The following VWA8 variants were observed in gnomAD, a reference collection of about 807,000 sequenced individuals.
VWA8 encodes von Willebrand factor A domain containing 8.
In VWA8, 221 loss-of-function variants were observed where a neutral mutation model predicts 241.5. The ratio of observed to expected loss-of-function variants is 0.91; its 90% CI spans 0.82 to 1.02. The LOEUF is 1.02. Ranked by LOEUF, VWA8 falls within the 50% of genes least tolerant of loss-of-function variation. The probability of loss-of-function intolerance (pLI) is 0.00; values close to 1 mark genes in which losing one functional copy is unlikely to be tolerated. For missense variants in VWA8, 2,322 were observed against 2,328.7 expected (o/e 1.00, Z 0.06); for synonymous variants, 852 against 827.1 (o/e 1.03, Z -0.52).
At chr13:41,636,558 A>G (rs1311493260) in intron 37 of VWA8, among the ~76,000 whole-genome samples, 1 of 152,242 alleles carries the variant, frequency 6.6e-6, no homozygotes, top group East Asian at 1.9e-4. Flanking sequence ...AATGGCAACA[A>G]AAGCCAAAAT....
chr13:41,594,735 A>G (rs1226998806), intron 40 of VWA8, among the ~76,000 whole-genome samples: 1 of 152,228 alleles, frequency 6.6e-6, no homozygotes, highest in Admixed American at 6.5e-5. Context: ...ACTTTGGTTA[A>G]AATTCCTAAC....
At chr13:41,703,825 T>C (rs2045266087) in intron 26 of VWA8, among the ~76,000 whole-genome samples, 1 of 151,336 alleles carries the variant, frequency 6.6e-6, no homozygotes, top group Non-Finnish European at 1.5e-5. Context: ...TTGCCCAGAC[T>C]GGAGTGCAGT....
chr13:41,613,615 T>C (rs2044603481), intron 38 of VWA8, among the ~76,000 whole-genome samples: 1 of 152,294 alleles, frequency 6.6e-6, no homozygotes, highest in East Asian at 1.9e-4. Flanking sequence ...AAAGTCACAC[T>C]GGGGTGGAGC....
At chr13:41,611,039 C>G (rs1364083922) in intron 39 of VWA8, among the ~76,000 whole-genome samples, 3 of 152,156 alleles carry the variant, frequency 2.0e-5, no homozygotes, top group African/African-American at 7.2e-5. Flanking sequence ...TATGCTCATC[C>G]TGCCCTGGTG....
intron 40 of VWA8, among the ~76,000 whole-genome samples, chr13:41,591,377 G>A (rs567876677): frequency 1.3e-5 from 2 of 151,984 alleles, no homozygotes; most frequent in South Asian, 2.1e-4. Flanking sequence ...CTAATTTTAC[G>A]GCAGTAAAAT....
intron 7 of VWA8, 83 bp downstream of exon 7, chr13:41,886,698 C>T (rs1874555679): frequency 1.8e-6 from 2 of 1,129,758 alleles, no homozygotes. Flanking sequence ...TGTTGAATGA[C>T]TGAATTAATT....
intron 17 of VWA8, among the ~76,000 whole-genome samples, chr13:41,797,368 C>A (rs1272183609): frequency 2.6e-5 from 4 of 151,966 alleles, no homozygotes; most frequent in Non-Finnish European, 5.9e-5. Context: ...AGTTTATGGT[C>A]AGTTTTTGAT....
chr13:41,924,891 A>T (rs1252385998), intron 2 of VWA8, among the ~76,000 whole-genome samples: 1 of 150,612 alleles, frequency 6.6e-6, no homozygotes, highest in East Asian at 1.9e-4. Context: ...GTATTGGAAG[A>T]TATATGGACA....
At chr13:41,578,827 C>T (rs536204196) in intron 42 of VWA8, among the ~76,000 whole-genome samples, 53 of 152,294 alleles carry the variant, frequency 3.5e-4, no homozygotes, top group African/African-American at 1.2e-3. Flanking sequence ...TAGCATTTAA[C>T]ATAAATATTA....
chr13:41,618,717 T>C (rs1312118156), intron 37 of VWA8, among the ~76,000 whole-genome samples: 1 of 152,178 alleles, frequency 6.6e-6, no homozygotes, highest in African/African-American at 2.4e-5. Context: ...CCCAGCACCA[T>C]TATTAAATAG....
intron 21 of VWA8, among the ~76,000 whole-genome samples, chr13:41,753,515 T>C (rs1213724896): frequency 6.6e-6 from 1 of 152,202 alleles, no homozygotes. Flanking sequence ...ATATATTCTC[T>C]TCTGTTTTAA....
intron 12 of VWA8, among the ~76,000 whole-genome samples, chr13:41,847,263 A>G (rs1872330176): frequency 6.6e-6 from 1 of 152,066 alleles, no homozygotes; most frequent in African/African-American, 2.4e-5. Flanking sequence ...GGACACAAAT[A>G]AGAAAATACC....
intron 12 of VWA8, among the ~76,000 whole-genome samples, chr13:41,855,464 CAT>C (rs1041754248): frequency 7.4e-5 from 11 of 149,174 alleles, no homozygotes; most frequent in African/African-American, 2.0e-4. Flanking sequence ...CTGATATAAA[CAT>C]AAATTAAAAT....
chr13:41,919,662 C>T (rs1876421462), intron 2 of VWA8, among the ~76,000 whole-genome samples: 1 of 152,102 alleles, frequency 6.6e-6, no homozygotes, highest in Admixed American at 6.5e-5. Context: ...GTACCCTGCC[C>T]TTCAAGGCCT....
chr13:41,704,938 C>T (rs931530998), intron 26 of VWA8, among the ~76,000 whole-genome samples: 6 of 152,008 alleles, frequency 3.9e-5, no homozygotes, highest in Admixed American at 6.6e-5. Context: ...TAAAAGAACA[C>T]GTTTATATTT....
intron 37 of VWA8, among the ~76,000 whole-genome samples, chr13:41,624,882 C>T (rs1445560764): frequency 6.6e-6 from 1 of 152,080 alleles, no homozygotes; most frequent in Non-Finnish European, 1.5e-5. Context: ...AAGCAAACAT[C>T]TCTCTTCTCC....
chr13:41,840,756 CAA>C (rs35181218), intron 12 of VWA8, among the ~76,000 whole-genome samples: 9 of 107,520 alleles, frequency 8.4e-5, no homozygotes, highest in South Asian at 2.9e-4. Flanking sequence ...GAGACCGTCT[CAA>C]AAAAAAAAAA....
In VWA8 at chr13:41,770,757, C is replaced by T. The variant is rs1054679062; in HGVS notation, c.2349+7228G>A. ...CTGTATGAAAATCAGCCAGAATTGGCTTTTTATTTTATAAGAAATATATAA... is the reference window on the plus strand; with the variant it reads ...CTGTATGAAAATCAGCCAGAATTGGTTTTTTATTTTATAAGAAATATATAA... On this transcript the variant is annotated intron_variant, in intron 20 of 44. Coordinates refer to ENST00000379310, the MANE Select transcript of VWA8 (RefSeq NM_015058.2). Among the ~76,000 whole-genome samples, 8 of 151,570 alleles carry T rather than the reference C, an allele frequency of 5.3e-5. No homozygotes were observed. The South Asian group carries it at 1.7e-3, about 32-fold the overall frequency.
chr13:41,875,123 A>T (rs938099685), intron 9 of VWA8, among the ~76,000 whole-genome samples: 1 of 152,090 alleles, frequency 6.6e-6, no homozygotes, highest in Non-Finnish European at 1.5e-5. Flanking sequence ...CATCCTCAAA[A>T]TCATTGATGT....
Sources: gnomAD v4.1 joint callset for allele counts (sites outside exome capture counted in the v4.1 genomes callset) on GRCh38, gnomAD v4.1.1 for gene constraint, MANE v1.5 for transcripts, NCBI Gene and HGNC (gene_info 2026-07-23, HGNC 2026-07-21) for gene names.